Variants in SPAG16 observed in about 807,000 individuals in gnomAD.
SPAG16 encodes sperm associated antigen 16.
SPAG16 carries 86 observed loss-of-function variants against 80.4 expected under a neutral mutation model. The ratio of observed to expected loss-of-function variants is 1.07; its 90% confidence interval spans 0.90 to 1.28. The LOEUF is 1.28. SPAG16 is among the 50% of genes most tolerant of loss of function. SPAG16 has a pLI of 0.00. For missense variants in SPAG16, 870 were observed against 765.3 expected (o/e 1.14, Z -1.61); for synonymous variants, 294 against 265.9 (o/e 1.11, Z -1.03).
intron 15 of SPAG16, among the ~76,000 whole-genome samples, chr2:214,226,751 T>G (rs979471810): frequency 1.3e-5 from 2 of 152,018 alleles, no homozygotes; most frequent in African/African-American, 4.8e-5. Flanking sequence ...ATACAAGACA[T>G]GAAATTCAAG....
chr2:213,438,465 T>A (rs546818220), intron 9 of SPAG16, among the ~76,000 whole-genome samples: 2 of 152,366 alleles, frequency 1.3e-5, no homozygotes, highest in Admixed American at 6.5e-5. Flanking sequence ...AACATAGATA[T>A]AGCCATTTAT....
At chr2:213,820,681 A>G (rs1462275335) in intron 10 of SPAG16, among the ~76,000 whole-genome samples, 2 of 152,042 alleles carry the variant, frequency 1.3e-5, no homozygotes, top group East Asian at 3.8e-4. Context: ...TAAATTTGCT[A>G]TATATATTTT....
At chr2:213,642,548 G>A (rs181522009) in intron 10 of SPAG16, among the ~76,000 whole-genome samples, 1 of 151,968 alleles carries the variant, frequency 6.6e-6, no homozygotes, top group African/African-American at 2.4e-5. Context: ...CTTAATCTGA[G>A]TGGGCACCAT....
At chr2:214,117,521 A>G (rs1301739096) in intron 14 of SPAG16, among the ~76,000 whole-genome samples, 1 of 152,176 alleles carries the variant, frequency 6.6e-6, no homozygotes, top group Admixed American at 6.5e-5. Context: ...CTACCCTGAT[A>G]CCAAAACCAG....
chr2:213,965,916 T>C (rs2044689238), intron 12 of SPAG16, among the ~76,000 whole-genome samples: 1 of 152,188 alleles, frequency 6.6e-6, no homozygotes, highest in Admixed American at 6.5e-5. Context: ...CCTCTGGTTC[T>C]GTAGGAATAC....
chr2:213,342,157 T>A (rs76214041), intron 6 of SPAG16, among the ~76,000 whole-genome samples: 3,600 of 151,742 alleles, frequency 0.024, 57 homozygotes, highest in African/African-American at 0.039. Context: ...TCTTCAACCA[T>A]CCACAGATTA....
intron 13 of SPAG16, among the ~76,000 whole-genome samples, chr2:214,097,517 C>T (rs2052672648): frequency 6.6e-6 from 1 of 151,896 alleles, no homozygotes; most frequent in South Asian, 2.1e-4. Flanking sequence ...ATTATTAGGG[C>T]TCCATTTCTT....
intron 10 of SPAG16, among the ~76,000 whole-genome samples, chr2:213,586,808 A>G (rs2060490964): frequency 6.6e-6 from 1 of 152,218 alleles, no homozygotes; most frequent in Non-Finnish European, 1.5e-5. Context: ...GAAGGGAGAA[A>G]CATTGAAGAA....
At chr2:213,857,959 C>T (rs2075249734) in intron 10 of SPAG16, among the ~76,000 whole-genome samples, 1 of 152,084 alleles carries the variant, frequency 6.6e-6, no homozygotes, top group Admixed American at 6.5e-5. Context: ...ATAGAAATAG[C>T]AAAAGAACCA....
chr2:213,514,615 C>A (rs1325073132), intron 10 of SPAG16, among the ~76,000 whole-genome samples: 1 of 113,248 alleles, frequency 8.8e-6, no homozygotes, highest in Admixed American at 1.1e-4. Flanking sequence ...TATCCCTCCC[C>A]CCTCCCCCCA....
At chr2:213,352,937 AT>A (rs1164474348) in intron 7 of SPAG16, among the ~76,000 whole-genome samples, 1 of 152,184 alleles carries the variant, frequency 6.6e-6, no homozygotes, top group Non-Finnish European at 1.5e-5. Context: ...GTGTTTGAAT[AT>A]TATATTAACT....
At chr2:214,020,746 G>A (rs144994367) in intron 13 of SPAG16, among the ~76,000 whole-genome samples, 48 of 152,266 alleles carry the variant, frequency 3.2e-4, no homozygotes, top group African/African-American at 1.1e-3. Context: ...TTAAAATTTT[G>A]TTAGGGTTTC....
chr2:214,118,529 A>G (rs1200284273), intron 14 of SPAG16, among the ~76,000 whole-genome samples: 1 of 152,170 alleles, frequency 6.6e-6, no homozygotes, highest in Non-Finnish European at 1.5e-5. Flanking sequence ...ATCATGGCAG[A>G]AGGGGAATCA....
rs1247252461 is a variant in SPAG16 at position 214,348,234 on chromosome 2, G to T, written c.1721-61906G>T. Among the ~76,000 whole-genome samples the T allele has an allele frequency of 2.0e-5, 3 of 152,210 alleles. No homozygotes were observed. In the East Asian group the frequency reaches 5.8e-4, roughly 29 times the overall value. The stretch of plus-strand genomic sequence containing the variant: ...CACACATGGACATAATTCAGATTAT[G>T]AGACAAGATTGTGAACCTTGAGCCA... On this transcript the variant is annotated intron_variant, in intron 15 of 15. Coordinates refer to ENST00000331683, the MANE Select transcript of SPAG16 (RefSeq NM_024532.5).
At chr2:214,233,381 A>T (rs1311923307) in intron 15 of SPAG16, among the ~76,000 whole-genome samples, 2 of 151,732 alleles carry the variant, frequency 1.3e-5, no homozygotes, top group East Asian at 3.9e-4. Flanking sequence ...GATGATGATG[A>T]TGGTAGAATA....
chr2:213,724,476 T>C (rs1021988731), intron 10 of SPAG16, among the ~76,000 whole-genome samples: 7 of 151,924 alleles, frequency 4.6e-5, no homozygotes, highest in African/African-American at 1.4e-4. Context: ...GTCAAAGTCA[T>C]TTAAAAAAAG....
At chr2:213,415,727 G>T (rs116252190) in intron 9 of SPAG16, among the ~76,000 whole-genome samples, 2 of 152,264 alleles carry the variant, frequency 1.3e-5, no homozygotes, top group African/African-American at 4.8e-5. Context: ...ATTATTAATT[G>T]GTTTATGACG....
At chr2:213,358,117 G>A (rs1176044164) in intron 7 of SPAG16, among the ~76,000 whole-genome samples, 6 of 152,128 alleles carry the variant, frequency 3.9e-5, no homozygotes, top group African/African-American at 2.4e-5. Context: ...GGTTTCTGCC[G>A]AGAGATCTGC....
intron 15 of SPAG16, among the ~76,000 whole-genome samples, chr2:214,169,655 T>G (rs1253917248): frequency 6.6e-6 from 1 of 152,112 alleles, no homozygotes; most frequent in Non-Finnish European, 1.5e-5. Flanking sequence ...ACATATTCTC[T>G]TCTTAGAGAC....
Sources: allele counts gnomAD v4.1 joint callset (sites outside exome capture counted in the v4.1 genomes callset), GRCh38; gene constraint gnomAD v4.1.1; transcripts MANE v1.5; gene names NCBI Gene and HGNC (gene_info 2026-07-23, HGNC 2026-07-21).